CNNM4: variants seen among roughly 807,000 people sequenced by gnomAD.
CNNM4 encodes the protein metal transporter CNNM4.
A neutral mutation model predicts 53.7 loss-of-function variants in CNNM4; 32 were observed. That is an observed-to-expected ratio of 0.60 (90% confidence interval 0.45 to 0.80). The LOEUF (loss-of-function observed/expected upper bound fraction) is 0.80. CNNM4 is among the 30% of genes least tolerant of loss of function. The pLI is 0.00. For synonymous variants in CNNM4, 410 were observed against 440.0 expected, an observed-to-expected ratio of 0.93 and a Z score of 0.85; for missense variants, 784 against 1,022.0, an observed-to-expected ratio of 0.77 and a Z score of 3.17.
In CNNM4 at chr2:96,794,523, G is replaced by T. The variant is rs1022493814; in HGVS notation, c.1403-2489G>T. 5.9e-5 allele frequency among the ~76,000 whole-genome samples: 9 copies of T among 152,222 alleles called. No individual in the cohort carries two copies. The East Asian group carries it at 1.7e-3, about 29-fold the overall frequency. ...TAGCGTATCTTGGATTTCGTTCCGC[G>T]CTTTATTCATCCACCTCTGCCGTGT... is the stretch of plus-strand genomic sequence containing the variant. On this transcript the variant is annotated intron_variant, in intron 1 of 6. Coordinates refer to ENST00000377075, the MANE Select transcript of CNNM4 (RefSeq NM_020184.4).
chr2:96,774,809 CA>C (rs755254265), intron 1 of CNNM4, among the ~76,000 whole-genome samples: 72 of 151,538 alleles, frequency 4.8e-4, no homozygotes, highest in Non-Finnish European at 9.6e-4. Flanking sequence ...ACTAAAAATA[CA>C]AAAATTAGCT....
intron 1 of CNNM4, among the ~76,000 whole-genome samples, chr2:96,787,333 T>C (rs2079024495): frequency 2.0e-5 from 3 of 152,206 alleles, no homozygotes; most frequent in Admixed American, 6.5e-5. Context: ...ATATGATAGG[T>C]AAAAAATGAG....
rs1368679384 is a variant in CNNM4, at chr2:96,760,972, G to A, written c.-28G>A. ...GGGGCCGCGCGGCGTGGCGCGGGGA[G>A]CGGCGGCGGCGGCAGAGCCAGAGCA... On this transcript the variant is annotated 5_prime_UTR_variant, in exon 1 of 7. Transcript: ENST00000377075. 1.8e-5 allele frequency: 18 copies of A among 985,566 alleles called. No individual in the cohort carries two copies. The highest frequency in any genetic ancestry group is 2.1e-5 in the Non-Finnish European group (17 of 823,478). The allele number at this position is 985,566 out of a possible 1,614,324, so 61.1% of individuals were successfully genotyped here. A position where few individuals can be genotyped will look rare whatever the true frequency, so the allele number is the denominator to read the frequency against.
chr2:96,768,979 C>T (rs1343207018), intron 1 of CNNM4, among the ~76,000 whole-genome samples: 2 of 152,196 alleles, frequency 1.3e-5, no homozygotes, highest in Admixed American at 6.5e-5. Context: ...AGGCCGGGTG[C>T]GGTGGCTTAC....
intron 1 of CNNM4, among the ~76,000 whole-genome samples, chr2:96,796,003 G>T (rs554110062): frequency 1.2e-4 from 18 of 152,066 alleles, no homozygotes; most frequent in African/African-American, 4.1e-4. Context: ...TGAGGGGGTG[G>T]CCCCTCTCTA....
rs56997097 is a variant in CNNM4 at position 96,774,960 on chromosome 2, C to CAAAAA, written c.1402+12593_1402+12597dup. 1.1e-4 allele frequency among the ~76,000 whole-genome samples: 2 copies of CAAAAA among 17,690 alleles called. 1 individual carries two copies. Among genetic ancestry groups the CAAAAA allele is most frequent in the Non-Finnish European group, 2.4e-4 (2 of 8,400 alleles). 11.6% of individuals were successfully genotyped at this position (17,690 alleles called of 152,430 possible). ...TGGGAGACAGAGTGAGACTCCATCT[C>CAAAAA]AAAAAAAAAAAAAAAAAAAAAAAAA... On this transcript the variant is annotated intron_variant, in intron 1 of 6. Coordinates refer to ENST00000377075, the MANE Select transcript of CNNM4 (RefSeq NM_020184.4).
chr2:96,792,318 A>G (rs923362589), intron 1 of CNNM4, among the ~76,000 whole-genome samples: 1 of 152,092 alleles, frequency 6.6e-6, no homozygotes, highest in African/African-American at 2.4e-5. Context: ...AATCCTAAAT[A>G]TAAGCCCTAA....
At chr2:96,804,690 C>T (rs547930856) in intron 5 of CNNM4, among the ~76,000 whole-genome samples, 3 of 152,070 alleles carry the variant, frequency 2.0e-5, no homozygotes, top group South Asian at 2.1e-4. Flanking sequence ...CGTGAGCCAC[C>T]GTGCCTGGCC....
intron 1 of CNNM4, among the ~76,000 whole-genome samples, chr2:96,762,916 G>A (rs2078778818): frequency 6.6e-6 from 1 of 152,240 alleles, no homozygotes; most frequent in East Asian, 1.9e-4. Context: ...GGTCCTGTTT[G>A]GTGGGTATAG....
chr2:96,767,887 T>A (rs1369240153), intron 1 of CNNM4, among the ~76,000 whole-genome samples: 1 of 152,298 alleles, frequency 6.6e-6, no homozygotes, highest in African/African-American at 2.4e-5. Context: ...CTGGCCAACA[T>A]GGCAAAACCC....
At chr2:96,777,217 C>T (rs774164264) in intron 1 of CNNM4, among the ~76,000 whole-genome samples, 5 of 151,674 alleles carry the variant, frequency 3.3e-5, no homozygotes, top group Non-Finnish European at 5.9e-5. Context: ...AACAGGGTTT[C>T]ACCACGTTGG....
chr2:96,779,853 A>T (rs2078958418), intron 1 of CNNM4, among the ~76,000 whole-genome samples: 1 of 150,190 alleles, frequency 6.7e-6, no homozygotes, highest in African/African-American at 2.5e-5. Context: ...TCCAGGCCGG[A>T]GTGCAGTGGT....
intron 5 of CNNM4, among the ~76,000 whole-genome samples, chr2:96,802,593 C>A (rs2079169206): frequency 6.6e-6 from 1 of 152,360 alleles, no homozygotes; most frequent in South Asian, 2.1e-4. Context: ...TTTCTGCTTT[C>A]CCCTCTGTGA....
chr2:96,796,131 CTTTTTTTTTTTTTTTTTTTT>C (rs796494842), intron 1 of CNNM4, among the ~76,000 whole-genome samples: 1 of 50,670 alleles, frequency 2.0e-5, no homozygotes, highest in Non-Finnish European at 3.8e-5. Flanking sequence ...CAGACAGGGT[CTTTTTTTTTTTTTTTTTTTT>C]TTTTTTTTTT....
chr2:96,806,959 G>A (rs987544120), intron 5 of CNNM4, among the ~76,000 whole-genome samples: 1 of 152,196 alleles, frequency 6.6e-6, no homozygotes, highest in Non-Finnish European at 1.5e-5. Context: ...GTTGCAGGTG[G>A]AAGTGGGTAG....
At chr2:96,772,711 G>A (rs1237169284) in intron 1 of CNNM4, among the ~76,000 whole-genome samples, 3 of 77,174 alleles carry the variant, frequency 3.9e-5, no homozygotes, top group Admixed American at 1.6e-4. Flanking sequence ...ACAGGCAGGC[G>A]CTCACACACA....
At position 96,798,909 on chromosome 2, in the gene CNNM4, G is replaced by A. The variant is rs191339919; in HGVS notation, c.1682-148G>A. 3.6e-4 allele frequency: 279 copies of A among 777,230 alleles called. No homozygotes were observed. The East Asian group carries it at 6.7e-3, about 19-fold the overall frequency. 48.1% of individuals were successfully genotyped at this position (777,230 alleles called of 1,614,324 possible). A position where few individuals can be genotyped will look rare whatever the true frequency, so the allele number is the denominator to read the frequency against. On this transcript the variant is annotated intron_variant, in intron 3 of 6. Transcript: ENST00000377075. Reference sequence around the variant, plus strand: ...GAAGCCAAGCGTGCTCCCTCCCCAGGGAGGTGCAGAACGAGGGCCGGCCGA... The same window carrying A: ...GAAGCCAAGCGTGCTCCCTCCCCAGAGAGGTGCAGAACGAGGGCCGGCCGA...
chr2:96,773,653 G>C (rs113061957), intron 1 of CNNM4, among the ~76,000 whole-genome samples: 298 of 152,190 alleles, frequency 2.0e-3, no homozygotes, highest in South Asian at 0.011. Flanking sequence ...GACCAGCCTG[G>C]CCAACATGGT....
intron 1 of CNNM4, among the ~76,000 whole-genome samples, chr2:96,787,544 T>G (rs1302394873): frequency 6.6e-6 from 1 of 152,138 alleles, no homozygotes; most frequent in Non-Finnish European, 1.5e-5. Context: ...TATACAGTAT[T>G]CCCAATTTGT....
Sources: gnomAD v4.1 joint callset for allele counts (sites outside exome capture counted in the v4.1 genomes callset) on GRCh38, gnomAD v4.1.1 for gene constraint, MANE v1.5 for transcripts, NCBI Gene and HGNC (gene_info 2026-07-23, HGNC 2026-07-21) for gene names.